The following TRIM16 variants were observed in gnomAD, a reference collection of about 807,000 sequenced individuals.
TRIM16 encodes the protein tripartite motif containing 16.
Under a neutral mutation model 50.4 loss-of-function variants are expected in TRIM16, and 33 were observed. The observed-to-expected ratio is 0.65, with a 90% CI of 0.50 to 0.88. TRIM16 has a LOEUF of 0.88. Ranked by LOEUF, TRIM16 falls within the 40% of genes least tolerant of loss-of-function variation. The pLI is 0.00. For synonymous variants in TRIM16, 229 were observed against 270.7 expected (o/e 0.85, Z 1.51); for missense variants, 581 against 686.8 (o/e 0.85, Z 1.72).
chr17:15,671,652 G>T (rs1425689669), intron 6 of TRIM16, among the ~76,000 whole-genome samples: 2 of 151,986 alleles, frequency 1.3e-5, no homozygotes, highest in Admixed American at 6.6e-5. Flanking sequence ...TGTAAAATCA[G>T]CAACGAAAGC....
At chr17:15,664,668 G>A (rs1252851956) in intron 6 of TRIM16, among the ~76,000 whole-genome samples, 3 of 152,162 alleles carry the variant, frequency 2.0e-5, no homozygotes, top group Admixed American at 2.0e-4. Flanking sequence ...CCTCGGGGAG[G>A]CTTCCTGAGT....
chr17:15,642,437 G>A (rs1328698115), intron 8 of TRIM16, among the ~76,000 whole-genome samples: 1 of 148,392 alleles, frequency 6.7e-6, no homozygotes, highest in Non-Finnish European at 1.5e-5. Flanking sequence ...CATACACCCT[G>A]TCAAGACAGC....
chr17:15,629,074 G>A lies in TRIM16; in HGVS notation c.1236C>T (p.Phe412=), dbSNP rs746252246. Residue 412 remains phenylalanine, a synonymous_variant, in exon 12 of 12, where the codon TTC becomes TTT. Transcript: ENST00000649191. ...GGGACAGCACCTGCCGCCAGTGCAGGAACCTGCTGGGGAGGTCCGGGTAGG... is the reference window on the plus strand; with the variant it reads ...GGGACAGCACCTGCCGCCAGTGCAGAAACCTGCTGGGGAGGTCCGGGTAGG... The part of the protein sequence containing the change: ...EHPYPDLPSR[F]LHWRQVLSQQ... 4.3e-6 allele frequency: 7 copies of A among 1,613,986 alleles called. No homozygotes were observed. Among genetic ancestry groups the A allele is most frequent in the Non-Finnish European group, 4.2e-6 (5 of 1,179,874 alleles).
chr17:15,637,122 G>GC (rs777652796), intron 8 of TRIM16, among the ~76,000 whole-genome samples: 7,570 of 145,634 alleles, frequency 0.052, 378 homozygotes, highest in Non-Finnish European at 0.078. Context: ...AGGTGGGGGG[G>GC]GGGGGTCAGC....
At chr17:15,637,109 G>A in intron 8 of TRIM16, among the ~76,000 whole-genome samples, 1 of 127,410 alleles carries the variant, frequency 7.8e-6, no homozygotes, top group South Asian at 2.5e-4. Context: ...CCGTCCGGGA[G>A]GGAGGTGGGG....
At chr17:15,652,892 T>G (rs1432756556) in intron 6 of TRIM16, among the ~76,000 whole-genome samples, 2 of 152,160 alleles carry the variant, frequency 1.3e-5, no homozygotes, top group Non-Finnish European at 2.9e-5. Context: ...AAGACTTGTC[T>G]CCTTCCACAG....
intron 6 of TRIM16, among the ~76,000 whole-genome samples, chr17:15,668,573 C>A (rs1440555348): frequency 6.6e-6 from 1 of 152,146 alleles, no homozygotes; most frequent in Admixed American, 6.5e-5. Context: ...GCCCTCGTTC[C>A]TTCCTTAGCC....
rs1458647454 is a variant in TRIM16 at position 15,675,410 on chromosome 17, T to C, written c.-338+1766A>G. On this transcript the variant is annotated intron_variant, in intron 6 of 11. Transcript: ENST00000649191. ...CCACTGTGAAGTCTCTGGTGTCTAA[T>C]GAGGGCTGAACTACACGAAAGCTCT... 3.0e-5 allele frequency: 5 copies of C among 166,378 alleles called. No homozygotes were observed. The Admixed American group carries it at 3.3e-4, about 11-fold the overall frequency. 10.3% of individuals were successfully genotyped at this position (166,378 alleles called of 1,614,324 possible).
chr17:15,673,122 T>G (rs1263328898), intron 6 of TRIM16, among the ~76,000 whole-genome samples: 2 of 152,178 alleles, frequency 1.3e-5, no homozygotes, highest in Non-Finnish European at 2.9e-5. Context: ...GCCAACTGGC[T>G]CCAGGAACTA....
intron 6 of TRIM16, chr17:15,654,600 T>A (rs1360825090): frequency 6.6e-6 from 1 of 152,250 alleles, no homozygotes; most frequent in Admixed American, 6.5e-5. Context: ...CCAGGCATTG[T>A]GAAGACGCTG....
In TRIM16 at chr17:15,635,646, T is replaced by C. The variant is rs536250505; in HGVS notation, c.849+390A>G. Among the ~76,000 whole-genome samples, 356 of 119,810 alleles carry C rather than the reference T, an allele frequency of 3.0e-3. 2 individuals are homozygous for C. Among genetic ancestry groups the C allele is most frequent in the Non-Finnish European group, 4.2e-3 (241 of 57,920 alleles). The allele number at this position is 119,810 out of a possible 152,430, so 78.6% of individuals were successfully genotyped here. ...TCCCATCTGAAACCCTTCCCAGCCA[T>C]ACACCTGCCTGGCCGTGCCAGTCTC... On this transcript the variant is annotated intron_variant, in intron 9 of 11. Transcript: ENST00000649191.
In TRIM16 at chr17:15,651,375, AG is replaced by A. The variant is rs768380215; in HGVS notation, c.234del (p.Phe79SerfsTer9). The A allele has an allele frequency of 6.2e-7, 1 of 1,614,222 alleles. No homozygotes were observed. ...ACTCTTCTGGTGTCATCAAGGCAGA[AG>A]TCACACAGGACCTCTTTCCCCTCAC... Reference protein sequence around the residue: ...PAGEGKEVLCDFCLDDTRRVK... With the variant: ...PAGEGKEVLCXFCLDDTRRVK... On this transcript the variant is annotated frameshift_variant, in exon 7 of 12. Transcript: ENST00000649191. LOFTEE classifies it high-confidence loss of function.
intron 10 of TRIM16, 123 bp downstream of exon 10, chr17:15,632,384 GAA>G (rs557963240): frequency 1.6e-5 from 21 of 1,280,838 alleles, no homozygotes; most frequent in Non-Finnish European, 1.8e-5. Context: ...CACAGAAAAA[GAA>G]AAAAAAAAGA....
chr17:15,673,832 G>A (rs1988814374), intron 6 of TRIM16, among the ~76,000 whole-genome samples: 3 of 152,222 alleles, frequency 2.0e-5, no homozygotes, highest in South Asian at 2.1e-4. Flanking sequence ...TTAATCTGGT[G>A]ATAGTCTGAT....
rs1986262259 is a variant in TRIM16, at chr17:15,629,082, T to C, written c.1228A>G (p.Ser410Gly). 6.2e-7 allele frequency: 1 copy of C among 1,613,928 alleles called. No homozygotes were observed. The highest frequency in any genetic ancestry group is 2.2e-5 in the East Asian group (1 of 44,864). ...ACCTGCCGCCAGTGCAGGAACCTGC[T>C]GGGGAGGTCCGGGTAGGGATGCTCC... ...PWEHPYPDLP[S>G]RFLHWRQVLS... The change falls in exon 12 of 12, where the codon AGC becomes GGC. Residue 410 changes from serine to glycine, a missense_variant. Physicochemically the swap from Ser to Gly is moderately conservative, Grantham distance 56. This residue lies in a region of TRIM16 where 450 missense variants were observed against 544.3 expected (regional missense o/e 0.83). Coordinates refer to ENST00000649191, the MANE Select transcript of TRIM16 (RefSeq NM_001348119.1).
chr17:15,669,942 G>A (rs1282520606), intron 6 of TRIM16, among the ~76,000 whole-genome samples: 1 of 152,154 alleles, frequency 6.6e-6, no homozygotes, highest in Non-Finnish European at 1.5e-5. Flanking sequence ...TCCAGACACT[G>A]GCAGTTGTCT....
chr17:15,640,140 G>A (rs1987052054), intron 8 of TRIM16, among the ~76,000 whole-genome samples: 1 of 149,282 alleles, frequency 6.7e-6, no homozygotes, highest in South Asian at 2.2e-4. Context: ...GTCTGTCTCT[G>A]GAGTCCATCC....
chr17:15,682,313 C>G (rs989256548), intron 3 of TRIM16, among the ~76,000 whole-genome samples: 2 of 152,194 alleles, frequency 1.3e-5, no homozygotes, highest in African/African-American at 4.8e-5. Flanking sequence ...CCACAAGATG[C>G]CTGTCCCCTC....
At chr17:15,655,025 G>A (rs1362396535) in intron 6 of TRIM16, among the ~76,000 whole-genome samples, 1 of 151,950 alleles carries the variant, frequency 6.6e-6, no homozygotes, top group Non-Finnish European at 1.5e-5. Context: ...GCTTGTCAGA[G>A]ACCACACAAA....
Sources: allele counts gnomAD v4.1 joint callset (sites outside exome capture counted in the v4.1 genomes callset), GRCh38; gene constraint gnomAD v4.1.1; regional missense constraint gnomAD v4.1.1; transcripts MANE v1.5; gene names NCBI Gene and HGNC (gene_info 2026-07-23, HGNC 2026-07-21).